CHRM5: variants seen among roughly 807,000 people sequenced by gnomAD.
The protein encoded by CHRM5 is cholinergic receptor muscarinic 5, also known as muscarinic acetylcholine receptor M5.
A neutral mutation model predicts 39.0 loss-of-function variants in CHRM5; 18 were observed. That is an observed-to-expected ratio of 0.46 (90% CI 0.32 to 0.68). CHRM5 has a LOEUF of 0.68. Ranked by LOEUF, CHRM5 falls within the 30% of genes least tolerant of loss-of-function variation. The probability of loss-of-function intolerance (pLI) is 0.04; values close to 1 mark genes in which losing one functional copy is unlikely to be tolerated. For synonymous variants in CHRM5, 241 were observed against 246.3 expected (o/e 0.98, Z 0.20); for missense variants, 515 against 651.1 (o/e 0.79, Z 2.28).
intron 1 of CHRM5, among the ~76,000 whole-genome samples, chr15:33,994,173 C>G (rs766436058): frequency 6.6e-6 from 1 of 152,188 alleles, no homozygotes; most frequent in African/African-American, 2.4e-5. Flanking sequence ...CTATTTACAG[C>G]CACTCCCTAC....
At chr15:34,004,457 ATTTG>A (rs1007673059) in intron 1 of CHRM5, among the ~76,000 whole-genome samples, 4 of 152,224 alleles carry the variant, frequency 2.6e-5, no homozygotes, top group African/African-American at 9.7e-5. Flanking sequence ...TAGGGAACTT[ATTTG>A]TACTGATTTG....
intron 1 of CHRM5, among the ~76,000 whole-genome samples, chr15:33,974,248 T>C (rs1895773716): frequency 6.6e-6 from 1 of 152,220 alleles, no homozygotes; most frequent in African/African-American, 2.4e-5. Flanking sequence ...ATTGAAGAGA[T>C]ACTACAGTCA....
At chr15:34,011,288 AT>A (rs745943660) in intron 1 of CHRM5, among the ~76,000 whole-genome samples, 4 of 152,342 alleles carry the variant, frequency 2.6e-5, no homozygotes, top group Non-Finnish European at 5.9e-5. Flanking sequence ...TGAAATTTCA[AT>A]AAAACATTGA....
chr15:34,012,979 G>T (rs1313885884), intron 1 of CHRM5, among the ~76,000 whole-genome samples: 1 of 152,018 alleles, frequency 6.6e-6, no homozygotes, highest in African/African-American at 2.4e-5. Flanking sequence ...TTCCCCACCA[G>T]CTTTTTTAAT....
chr15:34,018,336 G>A (rs570057297), intron 1 of CHRM5: 49 of 152,324 alleles, frequency 3.2e-4, no homozygotes, highest in South Asian at 6.2e-4. Flanking sequence ...AGACCGTCGC[G>A]GTGTGTTACA....
chr15:34,017,529 C>T (rs1200328584), intron 1 of CHRM5, among the ~76,000 whole-genome samples: 1 of 141,074 alleles, frequency 7.1e-6, no homozygotes, highest in African/African-American at 2.6e-5. Flanking sequence ...GTCATCCAGG[C>T]CGGAGTGCAG....
chr15:34,036,413 T>G (rs931493733), intron 1 of CHRM5, among the ~76,000 whole-genome samples: 1 of 152,206 alleles, frequency 6.6e-6, no homozygotes, highest in Non-Finnish European at 1.5e-5. Context: ...GGTCTTTACA[T>G]GGCTAGGAGT....
At position 33,979,798 on chromosome 15, in the gene CHRM5, G is replaced by A. The variant is rs77428859; in HGVS notation, c.-408+10648G>A. ...AAGGACACATGTAGAGAAACACTAAGGAGCTCCAGTGGTCAAGAAAAATGC... is the reference window on the plus strand; with the variant it reads ...AAGGACACATGTAGAGAAACACTAAAGAGCTCCAGTGGTCAAGAAAAATGC... On this transcript the variant is annotated intron_variant, in intron 1 of 2. Coordinates refer to ENST00000383263, the MANE Select transcript of CHRM5 (RefSeq NM_012125.4). Among the ~76,000 whole-genome samples, 306 of 152,244 alleles carry A rather than the reference G, an allele frequency of 2.0e-3. 2 individuals are homozygous for A. Among genetic ancestry groups the A allele is most frequent in the African/African-American group, 7.1e-3 (296 of 41,534 alleles).
chr15:34,055,888 A>G (rs1900127997), intron 2 of CHRM5, among the ~76,000 whole-genome samples: 1 of 152,230 alleles, frequency 6.6e-6, no homozygotes, highest in African/African-American at 2.4e-5. Flanking sequence ...TAACAAGATT[A>G]TCCAGGTAAT....
chr15:34,017,488 T>G (rs1314951083), intron 1 of CHRM5, among the ~76,000 whole-genome samples: 7 of 77,572 alleles, frequency 9.0e-5, no homozygotes, highest in African/African-American at 2.0e-4. Flanking sequence ...TTTTTTGTTT[T>G]TTTTTTTTTT....
At chr15:34,053,516 A>C (rs528837832) in intron 2 of CHRM5, among the ~76,000 whole-genome samples, 7 of 151,802 alleles carry the variant, frequency 4.6e-5, no homozygotes, top group Non-Finnish European at 8.8e-5. Context: ...GAATTCAGAA[A>C]TAAAACTACA....
chr15:34,050,150 A>T (rs1426602795), intron 2 of CHRM5, among the ~76,000 whole-genome samples: 2 of 152,062 alleles, frequency 1.3e-5, no homozygotes, highest in African/African-American at 2.4e-5. Context: ...GGCCTCCCAA[A>T]GTGCTGGGAT....
intron 2 of CHRM5, among the ~76,000 whole-genome samples, chr15:34,052,535 T>C (rs1899965129): frequency 6.6e-6 from 1 of 152,196 alleles, no homozygotes; most frequent in South Asian, 2.1e-4. Flanking sequence ...CATATTCAAA[T>C]AGGAAGACAG....
intron 1 of CHRM5, among the ~76,000 whole-genome samples, chr15:33,981,024 T>C (rs1896116937): frequency 6.6e-6 from 1 of 152,176 alleles, no homozygotes; most frequent in African/African-American, 2.4e-5. Context: ...AAAAATGCTG[T>C]GACTTGCTGA....
intron 1 of CHRM5, among the ~76,000 whole-genome samples, chr15:33,985,969 T>C (rs1385981394): frequency 6.6e-6 from 1 of 152,172 alleles, no homozygotes; most frequent in African/African-American, 2.4e-5. Context: ...CTCTGACAGA[T>C]CTAACTCACA....
chr15:34,023,712 T>A (rs1898312494), intron 1 of CHRM5, among the ~76,000 whole-genome samples: 1 of 152,170 alleles, frequency 6.6e-6, no homozygotes, highest in African/African-American at 2.4e-5. Flanking sequence ...CACGCCAGGC[T>A]TAAAAGGCCA....
In CHRM5 at chr15:34,014,573, C is replaced by A. The variant is rs577425435; in HGVS notation, c.-407-31967C>A. Among the ~76,000 whole-genome samples, 9 of 152,206 alleles carry A rather than the reference C, an allele frequency of 5.9e-5. No homozygotes were observed. The South Asian group carries it at 1.9e-3, about 32-fold the overall frequency. On this transcript the variant is annotated intron_variant, in intron 1 of 2. Transcript: ENST00000383263. ...GTCCCAAAGATGAACAGGTACAAAT[C>A]ACCAATAGTCACAAGACCTGTAAGG...
intron 1 of CHRM5, among the ~76,000 whole-genome samples, chr15:33,978,281 ACC>A (rs1895976417): frequency 2.0e-5 from 3 of 152,168 alleles, no homozygotes; most frequent in Non-Finnish European, 4.4e-5. Flanking sequence ...ACTACAGCAA[ACC>A]CACTGTAGAC....
intron 1 of CHRM5, among the ~76,000 whole-genome samples, chr15:33,985,793 C>T (rs537250636): frequency 2.6e-5 from 4 of 152,248 alleles, no homozygotes; most frequent in African/African-American, 9.6e-5. Context: ...TACGCAGTCA[C>T]TTAATCTTTT....
Sources: gnomAD v4.1 joint callset for allele counts (sites outside exome capture counted in the v4.1 genomes callset) on GRCh38, gnomAD v4.1.1 for gene constraint, MANE v1.5 for transcripts, NCBI Gene and HGNC (gene_info 2026-07-23, HGNC 2026-07-21) for gene names.